The following SPIDR variants were observed in gnomAD, a reference collection of about 807,000 sequenced individuals.
The protein encoded by SPIDR is DNA repair-scaffolding protein.
SPIDR carries 93 observed loss-of-function variants against 104.6 expected under a neutral mutation model. That is an observed-to-expected ratio of 0.89 (90% CI 0.75 to 1.06). SPIDR has a LOEUF of 1.06. Among genes scored for constraint, SPIDR ranks in the 50% least tolerant of loss-of-function variants. SPIDR has a pLI of 0.00. For missense variants in SPIDR, 1,154 were observed against 1,111.2 expected (o/e 1.04, Z -0.55); for synonymous variants, 431 against 416.9 (o/e 1.03, Z -0.41).
At chr8:47,270,091 T>TA (rs1218344111) in intron 1 of SPIDR, among the ~76,000 whole-genome samples, 2 of 152,220 alleles carry the variant, frequency 1.3e-5, no homozygotes, top group Admixed American at 6.5e-5. Context: ...TCTATATTCA[T>TA]AAACAGTTTT....
At chr8:47,497,152 A>G (rs1469411991) in intron 8 of SPIDR, among the ~76,000 whole-genome samples, 1 of 152,074 alleles carries the variant, frequency 6.6e-6, no homozygotes, top group East Asian at 1.9e-4. Flanking sequence ...GGTCTTTTCA[A>G]ACAACCATCT....
At chr8:47,713,098 C>T (rs2082104785) in intron 15 of SPIDR, 1 of 1,179,528 alleles carries the variant, frequency 8.5e-7, no homozygotes, top group Non-Finnish European at 1.1e-6. Flanking sequence ...CCAGAATTGC[C>T]TGCTGGTGGC....
intron 1 of SPIDR, among the ~76,000 whole-genome samples, chr8:47,269,351 G>C (rs1388382829): frequency 2.0e-5 from 3 of 151,780 alleles, no homozygotes; most frequent in East Asian, 3.9e-4. Flanking sequence ...TCTGCCTCCT[G>C]GGTTCAAGCT....
intron 8 of SPIDR, among the ~76,000 whole-genome samples, chr8:47,472,527 A>T (rs1198530469): frequency 6.6e-6 from 1 of 152,250 alleles, no homozygotes; most frequent in Non-Finnish European, 1.5e-5. Context: ...TCAAGGGTCA[A>T]GTAAAACACT....
intron 8 of SPIDR, among the ~76,000 whole-genome samples, chr8:47,474,441 A>G (rs541046520): frequency 4.6e-5 from 7 of 152,352 alleles, no homozygotes; most frequent in South Asian, 2.1e-4. Flanking sequence ...TGGGAATGCC[A>G]GTGCCTATTA....
At chr8:47,642,972 A>T (rs540717590) in intron 10 of SPIDR, among the ~76,000 whole-genome samples, 150 of 152,346 alleles carry the variant, frequency 9.8e-4, no homozygotes, top group African/African-American at 3.6e-3. Flanking sequence ...CAAATTTGGG[A>T]AATTATGAAG....
Position 47,330,776 on chromosome 8 carries a change from C to G in SPIDR, c.525+36746C>G, listed in dbSNP as rs1004670876. The stretch of plus-strand genomic sequence containing the variant: ...CTACCAAGAGACATCTGGGTTGCTT[C>G]TAGGTTTTGGCAATTATGATTGAAG... On this transcript the variant is annotated intron_variant, in intron 5 of 19. Coordinates refer to ENST00000297423, the MANE Select transcript of SPIDR (RefSeq NM_001080394.4). 19 of 456,146 alleles carry G rather than the reference C, an allele frequency of 4.2e-5. No individual in the cohort carries two copies. The Middle Eastern group carries it at 9.8e-4, about 23-fold the overall frequency. The allele number at this position is 456,146 out of a possible 1,614,324, so 28.3% of individuals were successfully genotyped here. A position where few individuals can be genotyped will look rare whatever the true frequency, so the allele number is the denominator to read the frequency against.
At chr8:47,541,434 A>G (rs1038971711) in intron 8 of SPIDR, among the ~76,000 whole-genome samples, 5 of 152,248 alleles carry the variant, frequency 3.3e-5, no homozygotes, top group Non-Finnish European at 7.3e-5. Context: ...AGTTTAAAAT[A>G]TAGTGAATAG....
intron 8 of SPIDR, among the ~76,000 whole-genome samples, chr8:47,504,679 G>A (rs922396888): frequency 1.3e-5 from 2 of 152,226 alleles, no homozygotes; most frequent in Non-Finnish European, 2.9e-5. Flanking sequence ...TGCTGGTGAG[G>A]AGCTGTGTTC....
Position 47,260,964 on chromosome 8 carries a change from CCG to C in SPIDR, c.9_10del (p.Gly4GlnfsTer7). Reference protein sequence around the residue: MPRGSRARGSKRK... With the variant: MPXGSRARGSKRK... ...CTCAGGCGGCGCTCCCGGAGATGCCCCGCGGCAGCCGCGCTCGGGGCTCTAAG... is the reference window on the plus strand; with the variant it reads ...CTCAGGCGGCGCTCCCGGAGATGCCCCGGCAGCCGCGCTCGGGGCTCTAAG... On this transcript the variant is annotated frameshift_variant, in exon 1 of 20. Transcript: ENST00000297423. LOFTEE classifies it high-confidence loss of function. 8.1e-7 allele frequency: 1 copy of C among 1,229,506 alleles called. No individual in the cohort carries two copies. The highest frequency in any genetic ancestry group is 1.0e-6 in the Non-Finnish European group (1 of 986,256). 76.2% of individuals were successfully genotyped at this position (1,229,506 alleles called of 1,614,324 possible). A position where few individuals can be genotyped will look rare whatever the true frequency, so the allele number is the denominator to read the frequency against.
chr8:47,521,664 C>T (rs374964149), intron 8 of SPIDR, among the ~76,000 whole-genome samples: 34 of 151,126 alleles, frequency 2.2e-4, no homozygotes, highest in East Asian at 1.8e-3. Flanking sequence ...CCTCGTGATC[C>T]GCCCACCTCA....
At chr8:47,704,555 T>C (rs1238586667) in intron 14 of SPIDR, among the ~76,000 whole-genome samples, 1 of 152,162 alleles carries the variant, frequency 6.6e-6, no homozygotes, top group Non-Finnish European at 1.5e-5. Context: ...CCCAACCACA[T>C]GCTGACTGAG....
At chr8:47,425,339 G>A (rs1688523612) in intron 7 of SPIDR, among the ~76,000 whole-genome samples, 1 of 152,096 alleles carries the variant, frequency 6.6e-6, no homozygotes, top group Non-Finnish European at 1.5e-5. Context: ...CTGTGAATAA[G>A]CAAGATCTGG....
chr8:47,422,698 G>A (rs1366927303), intron 7 of SPIDR, among the ~76,000 whole-genome samples: 1 of 152,142 alleles, frequency 6.6e-6, no homozygotes, highest in Non-Finnish European at 1.5e-5. Context: ...CTTTTGTGTC[G>A]CTCACGCTGG....
intron 5 of SPIDR, 30 bp from the exon 6 acceptor site, chr8:47,396,346 A>G (rs1554658340): frequency 6.6e-7 from 1 of 1,523,800 alleles, no homozygotes; most frequent in Admixed American, 1.7e-5. Flanking sequence ...TTGTATTTAA[A>G]AATATGCCTT....
intron 8 of SPIDR, among the ~76,000 whole-genome samples, chr8:47,568,903 T>C (rs568682593): frequency 3.1e-4 from 47 of 152,244 alleles, no homozygotes; most frequent in African/African-American, 1.1e-3. Flanking sequence ...AGTAATCACA[T>C]TGAATGTAAA....
chr8:47,274,485 C>T (rs901482223), intron 1 of SPIDR, among the ~76,000 whole-genome samples: 6 of 152,088 alleles, frequency 3.9e-5, no homozygotes, highest in African/African-American at 1.4e-4. Flanking sequence ...TTGTAAAGTT[C>T]CTGCACGTTT....
chr8:47,607,103 T>G (rs1207656063), intron 10 of SPIDR, among the ~76,000 whole-genome samples: 1 of 152,224 alleles, frequency 6.6e-6, no homozygotes, highest in Non-Finnish European at 1.5e-5. Context: ...CTTTCTTTAT[T>G]TCTGAAGTCT....
rs771235636 is a variant in SPIDR at position 47,702,093 on chromosome 8, TCTCTTACA to T, written c.1977+80_1977+87del. On this transcript the variant is annotated intron_variant, in intron 14 of 19. Transcript: ENST00000297423. ...CTCTCTCTCTCTCTCTCTCTCTCTC[TCTCTTACA>T]CACACACACACACACACACACACAC... 348 of 80,906 alleles carry T rather than the reference TCTCTTACA, an allele frequency of 4.3e-3. 16 individuals carry two copies. The highest frequency in any genetic ancestry group is 0.013 in the African/African-American group (223 of 17,010). 5.0% of individuals were successfully genotyped at this position (80,906 alleles called of 1,614,324 possible).
Sources: gnomAD v4.1 joint callset for allele counts (sites outside exome capture counted in the v4.1 genomes callset) on GRCh38, gnomAD v4.1.1 for gene constraint, MANE v1.5 for transcripts, NCBI Gene and HGNC (gene_info 2026-07-23, HGNC 2026-07-21) for gene names.